The following CHL1 variants were observed in gnomAD, a reference collection of about 807,000 sequenced individuals.
The protein encoded by CHL1 is cell adhesion molecule L1 like, also known as neural cell adhesion molecule L1-like protein.
CHL1 carries 96 observed loss-of-function variants against 141.9 expected under a neutral mutation model. That is an observed-to-expected ratio of 0.68 (90% confidence interval 0.57 to 0.80). The LOEUF (loss-of-function observed/expected upper bound fraction) is 0.80. Ranked by LOEUF, CHL1 falls within the 30% of genes least tolerant of loss-of-function variation. The probability of loss-of-function intolerance (pLI) is 0.00; values close to 1 mark genes in which losing one functional copy is unlikely to be tolerated. For missense variants in CHL1, 1,820 were observed against 1,457.2 expected, an observed-to-expected ratio of 1.25 and a Z score of -4.05; for synonymous variants, 613 against 502.2, an observed-to-expected ratio of 1.22 and a Z score of -2.95.
chr3:226,261 A>C lies in CHL1; in HGVS notation c.-174-18352A>C, dbSNP rs1431962679. On this transcript the variant is annotated intron_variant, in intron 1 of 27. Transcript: ENST00000256509. ...AATGTTGAGCTCCTGGTGTCATGTG[A>C]TCCGCCTGCTTCGGCCTCCCAAAGT... is the stretch of plus-strand genomic sequence containing the variant. Among the ~76,000 whole-genome samples the C allele has an allele frequency of 4.0e-5, 6 of 149,740 alleles. 1 individual carries two copies. Among genetic ancestry groups the C allele is most frequent in the Non-Finnish European group, 7.4e-5 (5 of 67,616 alleles).
At chr3:306,298 T>C (rs1257365308) in intron 2 of CHL1, among the ~76,000 whole-genome samples, 1 of 152,166 alleles carries the variant, frequency 6.6e-6, no homozygotes, top group Non-Finnish European at 1.5e-5. Context: ...ATACTTTGTA[T>C]CTTATGGCTT....
In CHL1 at chr3:278,368, C is replaced by A. The variant is rs114154706; in HGVS notation, c.-95+33676C>A. ...CCACAATCCCCATTGCGCTAAGTGG[C>A]GGCTAATGTGGGAGCTGTCATGTTT... On this transcript the variant is annotated intron_variant, in intron 2 of 27. Transcript: ENST00000256509. Among the ~76,000 whole-genome samples, 9 of 152,128 alleles carry A rather than the reference C, an allele frequency of 5.9e-5. 1 individual carries two copies. Among genetic ancestry groups the A allele is most frequent in the Non-Finnish European group, 1.2e-4 (8 of 68,026 alleles).
At chr3:355,695 G>T (rs1314867083) in intron 11 of CHL1, among the ~76,000 whole-genome samples, 2 of 152,054 alleles carry the variant, frequency 1.3e-5, no homozygotes, top group Non-Finnish European at 2.9e-5. Context: ...TCATCTTGAG[G>T]TGTTTTCTGA....
intron 1 of CHL1, among the ~76,000 whole-genome samples, chr3:218,377 A>G (rs2124955956): frequency 6.6e-6 from 1 of 152,358 alleles, no homozygotes; most frequent in East Asian, 1.9e-4. Context: ...TTAAAATGGC[A>G]TGATAATGGT....
intron 10 of CHL1, among the ~76,000 whole-genome samples, chr3:354,226 T>C (rs961576395): frequency 1.3e-5 from 2 of 152,150 alleles, no homozygotes; most frequent in African/African-American, 4.8e-5. Flanking sequence ...ATTCTTACAA[T>C]ATAATTCTTG....
intron 1 of CHL1, among the ~76,000 whole-genome samples, chr3:203,828 G>T (rs968383948): frequency 6.6e-6 from 1 of 152,224 alleles, no homozygotes; most frequent in African/African-American, 2.4e-5. Flanking sequence ...GTGGAGGTCA[G>T]TTCTCCCAGA....
At chr3:402,266 T>C (rs1011759331) in intron 27 of CHL1, among the ~76,000 whole-genome samples, 13 of 152,182 alleles carry the variant, frequency 8.5e-5, no homozygotes, top group Middle Eastern at 3.2e-3. Flanking sequence ...GGATAAAAAG[T>C]ATTGTGTTAC....
At chr3:306,837 G>A (rs1452712581) in intron 2 of CHL1, among the ~76,000 whole-genome samples, 1 of 152,098 alleles carries the variant, frequency 6.6e-6, no homozygotes, top group Non-Finnish European at 1.5e-5. Flanking sequence ...ATATTCAAAT[G>A]CTTAATGTTC....
chr3:275,105 T>C (rs1267766570), intron 2 of CHL1, among the ~76,000 whole-genome samples: 1 of 152,234 alleles, frequency 6.6e-6, no homozygotes, highest in Non-Finnish European at 1.5e-5. Flanking sequence ...TGAAACAGCC[T>C]GTGGGTTAGG....
At chr3:255,796 C>T (rs1448051451) in intron 2 of CHL1, among the ~76,000 whole-genome samples, 1 of 152,186 alleles carries the variant, frequency 6.6e-6, no homozygotes, top group Non-Finnish European at 1.5e-5. Context: ...GATCCCTGGA[C>T]AGATACTCTA....
chr3:341,544 G>A (rs544923430), intron 6 of CHL1, among the ~76,000 whole-genome samples: 9 of 152,226 alleles, frequency 5.9e-5, no homozygotes, highest in African/African-American at 2.2e-4. Flanking sequence ...TTAAATAAAC[G>A]TGATTCTCAG....
At chr3:359,829 G>T (rs1031837199) in intron 11 of CHL1, among the ~76,000 whole-genome samples, 1 of 152,156 alleles carries the variant, frequency 6.6e-6, no homozygotes, top group Non-Finnish European at 1.5e-5. Flanking sequence ...GAGAGGCAGA[G>T]AACTGAAACG....
intron 2 of CHL1, among the ~76,000 whole-genome samples, chr3:318,072 A>G (rs1381603841): frequency 6.6e-6 from 1 of 151,892 alleles, no homozygotes; most frequent in African/African-American, 2.4e-5. Context: ...ATTCAGGACA[A>G]AGATTCACAA....
intron 5 of CHL1, among the ~76,000 whole-genome samples, chr3:333,997 C>T (rs1198910119): frequency 6.6e-6 from 1 of 151,966 alleles, no homozygotes; most frequent in Non-Finnish European, 1.5e-5. Context: ...TGCTCTGTTG[C>T]CCAGGCTAGA....
At chr3:198,044 C>T (rs2125308873) in intron 1 of CHL1, 1 of 305,466 alleles carries the variant, frequency 3.3e-6, no homozygotes, top group South Asian at 2.6e-5. Context: ...GGCCGGGGAA[C>T]TCCTGCGAAA....
intron 10 of CHL1, among the ~76,000 whole-genome samples, chr3:352,675 A>G (rs1703369339): frequency 6.6e-6 from 1 of 152,178 alleles, no homozygotes; most frequent in Non-Finnish European, 1.5e-5. Flanking sequence ...CCAATATTAC[A>G]TGATTCAGGA....
intron 2 of CHL1, among the ~76,000 whole-genome samples, chr3:284,214 CA>C (rs1366000915): frequency 1.3e-5 from 2 of 152,074 alleles, no homozygotes; most frequent in Non-Finnish European, 2.9e-5. Flanking sequence ...AAGGGAAAGA[CA>C]GGGGGGCTGC....
intron 2 of CHL1, among the ~76,000 whole-genome samples, chr3:316,886 T>C (rs924226340): frequency 1.3e-5 from 2 of 152,090 alleles, no homozygotes; most frequent in African/African-American, 4.8e-5. Context: ...TTAAATGCCA[T>C]TGTTTCAAGA....
rs534355516 is a variant in CHL1, at chr3:408,934, A to G, written c.*3223A>G. 3.5e-4 allele frequency: 54 copies of G among 152,176 alleles called. No homozygotes were observed. The highest frequency in any genetic ancestry group is 1.3e-3 in the African/African-American group (54 of 41,558). The allele number at this position is 152,176 out of a possible 1,614,324, so 9.4% of individuals were successfully genotyped here. ...AAGTCTCAAATAATATTTTTTTCCT[A>G]TTTTATACTCATGGAAGAGATAAGC... On this transcript the variant is annotated 3_prime_UTR_variant, in exon 28 of 28. Coordinates refer to ENST00000256509, the MANE Select transcript of CHL1 (RefSeq NM_006614.4).
Sources: gnomAD v4.1 joint callset for allele counts (sites outside exome capture counted in the v4.1 genomes callset) on GRCh38, gnomAD v4.1.1 for gene constraint, MANE v1.5 for transcripts, NCBI Gene and HGNC (gene_info 2026-07-23, HGNC 2026-07-21) for gene names.